Variants in SDC2 observed in about 807,000 individuals in gnomAD.
The protein encoded by SDC2 is syndecan 2.
Under a neutral mutation model 22.2 loss-of-function variants are expected in SDC2, and 13 were observed. The ratio of observed to expected loss-of-function variants is 0.59; its 90% confidence interval spans 0.38 to 0.93. The LOEUF (loss-of-function observed/expected upper bound fraction) is 0.93, where lower values mean the gene tolerates loss of function less well. Among genes scored for constraint, SDC2 ranks in the 40% least tolerant of loss-of-function variants. SDC2 has a pLI of 0.00. For missense variants in SDC2, 235 were observed against 246.8 expected, an observed-to-expected ratio of 0.95 and a Z score of 0.32; for synonymous variants, 94 against 92.8, an observed-to-expected ratio of 1.01 and a Z score of -0.07.
rs574707146 is a variant in SDC2, at chr8:96,509,890, C to T, written c.60+15559C>T. Among the ~76,000 whole-genome samples, 34 of 152,312 alleles carry T rather than the reference C, an allele frequency of 2.2e-4. 1 individual carries two copies. The highest frequency in any genetic ancestry group is 7.9e-4 in the African/African-American group (33 of 41,562). ...AATCCTTGCTCCCTTCCAGCTTTTT[C>T]CTTTTCTCCAGTGTCTTTTCTGCTG... On this transcript the variant is annotated intron_variant, in intron 1 of 4. Transcript: ENST00000302190.
intron 1 of SDC2, among the ~76,000 whole-genome samples, chr8:96,510,890 A>G (rs1377596640): frequency 6.6e-6 from 1 of 152,188 alleles, no homozygotes; most frequent in Non-Finnish European, 1.5e-5. Context: ...TGTATGCCTG[A>G]TAGATAAATG....
intron 1 of SDC2, among the ~76,000 whole-genome samples, chr8:96,515,967 T>A (rs985342172): frequency 2.0e-5 from 3 of 152,046 alleles, no homozygotes; most frequent in Non-Finnish European, 4.4e-5. Context: ...AAGAACCCAG[T>A]GTTGGGCTGG....
At chr8:96,567,890 C>A (rs1278127720) in intron 1 of SDC2, among the ~76,000 whole-genome samples, 1 of 152,214 alleles carries the variant, frequency 6.6e-6, no homozygotes, top group Non-Finnish European at 1.5e-5. Flanking sequence ...GTTATTATAA[C>A]TCCTGTAGAA....
intron 1 of SDC2, among the ~76,000 whole-genome samples, chr8:96,520,520 T>G (rs751929469): frequency 3.3e-5 from 5 of 152,172 alleles, no homozygotes; most frequent in Non-Finnish European, 7.3e-5. Flanking sequence ...CCAAGCTGTT[T>G]ATATGTGATG....
At chr8:96,545,448 T>C (rs1226417459) in intron 1 of SDC2, among the ~76,000 whole-genome samples, 1 of 152,062 alleles carries the variant, frequency 6.6e-6, no homozygotes, top group Non-Finnish European at 1.5e-5. Context: ...CAGGTCAGTA[T>C]TGGGGAATGA....
intron 1 of SDC2, among the ~76,000 whole-genome samples, chr8:96,528,892 C>G (rs960188442): frequency 6.6e-6 from 1 of 152,168 alleles, no homozygotes; most frequent in African/African-American, 2.4e-5. Context: ...CTAAAGTGCT[C>G]AAATTTTAAT....
intron 1 of SDC2, among the ~76,000 whole-genome samples, chr8:96,587,553 C>T (rs2130621128): frequency 6.6e-6 from 1 of 152,164 alleles, no homozygotes; most frequent in Non-Finnish European, 1.5e-5. Context: ...TTAGAATTGG[C>T]GTTACTAAAA....
chr8:96,603,797 A>G (rs1466370058), intron 3 of SDC2, among the ~76,000 whole-genome samples: 2 of 152,208 alleles, frequency 1.3e-5, no homozygotes, highest in African/African-American at 4.8e-5. Context: ...TGTAGGACCA[A>G]GAAGGGTCAA....
chr8:96,561,105 A>G (rs1563661947), intron 1 of SDC2, among the ~76,000 whole-genome samples: 1 of 152,180 alleles, frequency 6.6e-6, no homozygotes, highest in Non-Finnish European at 1.5e-5. Flanking sequence ...TGCTGTCTCA[A>G]AATAATAATA....
At chr8:96,500,661 C>CAA (rs56672989) in intron 1 of SDC2, among the ~76,000 whole-genome samples, 17,368 of 73,266 alleles carry the variant, frequency 0.24, 1,806 homozygotes, top group African/African-American at 0.28. Flanking sequence ...GACTCCATCT[C>CAA]AAAAAAAAAA....
intron 3 of SDC2, among the ~76,000 whole-genome samples, chr8:96,606,133 A>AT (rs555977717): frequency 1.1e-4 from 17 of 151,994 alleles, no homozygotes; most frequent in Middle Eastern, 3.4e-3. Context: ...TGTCTGCAGT[A>AT]TTTTTTTTGA....
rs1813811818 is a variant in SDC2 at position 96,539,560 on chromosome 8, AG to A, written c.60+45230del. On this transcript the variant is annotated intron_variant, in intron 1 of 4. Coordinates refer to ENST00000302190, the MANE Select transcript of SDC2 (RefSeq NM_002998.4). Reference sequence around the variant, plus strand: ...CATCAATCTCTAAATGAGCGTGTTAAGTATAGTACATATTTGCTTGCCTAGC... The same window carrying A: ...CATCAATCTCTAAATGAGCGTGTTAATATAGTACATATTTGCTTGCCTAGC... 2.0e-5 allele frequency among the ~76,000 whole-genome samples: 3 copies of A among 152,354 alleles called. No individual in the cohort carries two copies. The South Asian group carries it at 6.2e-4, about 32-fold the overall frequency.
chr8:96,611,687 A>G lies in SDC2; in HGVS notation c.*2139A>G, dbSNP rs1198515972. Reference sequence around the variant, plus strand: ...TGGGAATATCCGTGCCAGGAAAAGAAAAATTTCTGGCAAATATTTTGTCAC... The same window carrying G: ...TGGGAATATCCGTGCCAGGAAAAGAGAAATTTCTGGCAAATATTTTGTCAC... On this transcript the variant is annotated 3_prime_UTR_variant, in exon 5 of 5. Coordinates refer to ENST00000302190, the MANE Select transcript of SDC2 (RefSeq NM_002998.4). The G allele has an allele frequency of 1.3e-5, 2 of 152,684 alleles. No individual in the cohort carries two copies. Among genetic ancestry groups the G allele is most frequent in the African/African-American group, 4.8e-5 (2 of 41,472 alleles). The allele number at this position is 152,684 out of a possible 1,614,324, so 9.5% of individuals were successfully genotyped here. A position where few individuals can be genotyped will look rare whatever the true frequency, so the allele number is the denominator to read the frequency against.
chr8:96,500,241 G>A (rs1813140686), intron 1 of SDC2, among the ~76,000 whole-genome samples: 1 of 152,228 alleles, frequency 6.6e-6, no homozygotes, highest in Admixed American at 6.5e-5. Context: ...CACATGGGAA[G>A]GAGAGAGTTA....
chr8:96,532,527 G>A (rs1217778769), intron 1 of SDC2, among the ~76,000 whole-genome samples: 4 of 144,862 alleles, frequency 2.8e-5, no homozygotes, highest in African/African-American at 1.0e-4. Context: ...TTAAATTCCA[G>A]TCATTCTTTT....
chr8:96,605,129 CT>C (rs1204042834), intron 3 of SDC2, among the ~76,000 whole-genome samples: 1 of 152,124 alleles, frequency 6.6e-6, no homozygotes, highest in Non-Finnish European at 1.5e-5. Context: ...TCTTAAATGA[CT>C]TTAGGGACTC....
chr8:96,593,015 T>G (rs1814810602), intron 1 of SDC2, among the ~76,000 whole-genome samples: 1 of 152,188 alleles, frequency 6.6e-6, no homozygotes, highest in African/African-American at 2.4e-5. Context: ...CAAGCACTGG[T>G]AGGATTTGAT....
Position 96,596,109 on chromosome 8 carries a change from A to G in SDC2, c.172+2518A>G, listed in dbSNP as rs574801411. ...AACGATAGATTCTGTTAGTATTTCGATGATTCCCACGAGAAAACCTGAGGC... is the reference window on the plus strand; with the variant it reads ...AACGATAGATTCTGTTAGTATTTCGGTGATTCCCACGAGAAAACCTGAGGC... On this transcript the variant is annotated intron_variant, in intron 2 of 4. Transcript: ENST00000302190. 1.3e-3 allele frequency among the ~76,000 whole-genome samples: 202 copies of G among 152,356 alleles called. 5 individuals are homozygous for G. The East Asian group carries it at 0.03, about 22-fold the overall frequency.
intron 1 of SDC2, among the ~76,000 whole-genome samples, chr8:96,555,499 A>G (rs2130548186): frequency 6.6e-6 from 1 of 152,296 alleles, no homozygotes; most frequent in East Asian, 1.9e-4. Flanking sequence ...CAGAGCATCA[A>G]GCATGATTCA....
Sources: gnomAD v4.1 joint callset for allele counts (sites outside exome capture counted in the v4.1 genomes callset) on GRCh38, gnomAD v4.1.1 for gene constraint, MANE v1.5 for transcripts, NCBI Gene and HGNC (gene_info 2026-07-23, HGNC 2026-07-21) for gene names.